The following ZNF722 variants were observed in gnomAD, a reference collection of about 807,000 sequenced individuals.
ZNF722 encodes zinc finger protein 722.
At chr7:64,014,103 A>T in the ZNF722 span, among the ~76,000 whole-genome samples, 1 of 151,764 alleles carries the variant, frequency 6.6e-6, no homozygotes, top group Non-Finnish European at 1.5e-5. Flanking sequence ...AATATGTGTT[A>T]TGGATCTTTT....
the ZNF722 span, among the ~76,000 whole-genome samples, chr7:64,003,353 G>A: frequency 6.6e-6 from 1 of 152,088 alleles, no homozygotes; most frequent in Non-Finnish European, 1.5e-5. Flanking sequence ...TGCAAGTCTC[G>A]GTCTTTCTGC....
chr7:64,001,079 AT>A, the ZNF722 span, among the ~76,000 whole-genome samples: 1 of 152,044 alleles, frequency 6.6e-6, no homozygotes. Context: ...GCGCAGCCGA[AT>A]TTTTTTTCTT....
chr7:64,004,425 A>AAAAAAAAAAAAAAAAAATATATATAT, the ZNF722 span, among the ~76,000 whole-genome samples: 1 of 61,118 alleles, frequency 1.6e-5, no homozygotes, highest in African/African-American at 8.0e-5. Context: ...AAAAAAAAAA[A>AAAAAAAAAAAAAAAAAATATATATAT]ATATATATAT....
At chr7:63,998,852 T>G in the ZNF722 span, 1 of 1,277,350 alleles carries the variant, frequency 7.8e-7, no homozygotes, top group Non-Finnish European at 1.1e-6. Context: ...GCGGGTCCTT[T>G]TGTGCTTCTC....
At chr7:64,014,708 G>C in the ZNF722 span, among the ~76,000 whole-genome samples, 1 of 152,168 alleles carries the variant, frequency 6.6e-6, no homozygotes, top group Non-Finnish European at 1.5e-5. Flanking sequence ...ACTTAAAGCT[G>C]TCATTAAAGA....
At chr7:64,015,711 A>G in the ZNF722 span, 1 of 1,613,846 alleles carries the variant, frequency 6.2e-7, no homozygotes, top group Admixed American at 1.7e-5. Flanking sequence ...CAATGACCAC[A>G]AGAGAATTCA....
chr7:64,004,425 A>ATATATAT, the ZNF722 span, among the ~76,000 whole-genome samples: 114 of 61,106 alleles, frequency 1.9e-3, no homozygotes, highest in South Asian at 3.7e-3. Flanking sequence ...AAAAAAAAAA[A>ATATATAT]ATATATATAT....
the ZNF722 span, among the ~76,000 whole-genome samples, chr7:64,016,459 A>G: frequency 7.9e-5 from 12 of 152,046 alleles, no homozygotes; most frequent in Admixed American, 2.0e-4. Flanking sequence ...AAGTGAAAAA[A>G]CCTTTAAGCA....
chr7:64,003,123 T>C, the ZNF722 span, among the ~76,000 whole-genome samples: 1 of 152,182 alleles, frequency 6.6e-6, no homozygotes, highest in African/African-American at 2.4e-5. Context: ...AGTTCAACCT[T>C]TGCATCAAAG....
the ZNF722 span, among the ~76,000 whole-genome samples, chr7:64,007,391 A>G: frequency 6.6e-6 from 1 of 151,652 alleles, no homozygotes; most frequent in East Asian, 1.9e-4. Flanking sequence ...TCCCTCCCCC[A>G]TCCCCCAACT....
chr7:64,004,425 A>ATAT, the ZNF722 span, among the ~76,000 whole-genome samples: 181 of 61,074 alleles, frequency 3.0e-3, no homozygotes, highest in East Asian at 0.028. Context: ...AAAAAAAAAA[A>ATAT]ATATATATAT....
At chr7:64,001,107 G>C in the ZNF722 span, among the ~76,000 whole-genome samples, 2 of 152,014 alleles carry the variant, frequency 1.3e-5, no homozygotes, top group East Asian at 3.9e-4. Flanking sequence ...TTTATTTTAG[G>C]TTCAGGAGTA....
At chr7:64,007,042 C>G in the ZNF722 span, among the ~76,000 whole-genome samples, 1 of 151,564 alleles carries the variant, frequency 6.6e-6, no homozygotes, top group East Asian at 1.9e-4. Flanking sequence ...TTTTCTCAAC[C>G]ATTTACATAG....
chr7:64,006,811 T>G, the ZNF722 span, among the ~76,000 whole-genome samples: 1 of 135,940 alleles, frequency 7.4e-6, no homozygotes, highest in Non-Finnish European at 1.6e-5. Flanking sequence ...TTTTTTTCAT[T>G]TTTAAATTTT....
chr7:64,004,420 A>AT, the ZNF722 span, among the ~76,000 whole-genome samples: 133 of 85,810 alleles, frequency 1.5e-3, 1 homozygote, highest in East Asian at 6.7e-3. Flanking sequence ...TAAAAAAAAA[A>AT]AAAAAATATA....
chr7:64,005,726 C>T, the ZNF722 span: 1 of 1,571,492 alleles, frequency 6.4e-7, no homozygotes, highest in Non-Finnish European at 8.7e-7. Context: ...CTACAGAAAC[C>T]TGGTCTCCCT....
the ZNF722 span, among the ~76,000 whole-genome samples, chr7:64,004,432 A>ATATATG: frequency 2.3e-4 from 27 of 118,022 alleles, no homozygotes; most frequent in Non-Finnish European, 4.4e-4. Context: ...AAAAATATAT[A>ATATATG]TATATATATA....
the ZNF722 span, among the ~76,000 whole-genome samples, chr7:64,011,275 A>G: frequency 1.9e-3 from 293 of 152,184 alleles, 1 homozygote; most frequent in African/African-American, 6.9e-3. Context: ...GTTAGGTATG[A>G]ATTTGATCCC....
the ZNF722 span, among the ~76,000 whole-genome samples, chr7:64,010,352 T>C: frequency 8.7e-4 from 132 of 152,346 alleles, no homozygotes; most frequent in African/African-American, 3.1e-3. Context: ...TGATTTTAGA[T>C]ATTTCCTGCT....
Sources: allele counts gnomAD v4.1 joint callset (sites outside exome capture counted in the v4.1 genomes callset), GRCh38; gene constraint gnomAD v4.1.1; transcripts MANE v1.5; gene names NCBI Gene and HGNC (gene_info 2026-07-23, HGNC 2026-07-21).